SLC22A15: variants seen among roughly 807,000 people sequenced by gnomAD.
SLC22A15 encodes the protein flipt 1.
SLC22A15 carries 45 observed loss-of-function variants against 62.7 expected under a neutral mutation model. That is an observed-to-expected ratio of 0.72 (90% CI 0.56 to 0.92). The LOEUF is 0.92. Among genes scored for constraint, SLC22A15 ranks in the 40% least tolerant of loss-of-function variants. The pLI, the probability that SLC22A15 is intolerant of heterozygous loss-of-function variation, is 0.00. For missense variants in SLC22A15, 622 were observed against 665.6 expected, an observed-to-expected ratio of 0.93 and a Z score of 0.72; for synonymous variants, 264 against 267.0, an observed-to-expected ratio of 0.99 and a Z score of 0.11.
At chr1:116,007,500 C>G (rs139611220) in intron 2 of SLC22A15, among the ~76,000 whole-genome samples, 25 of 152,316 alleles carry the variant, frequency 1.6e-4, no homozygotes, top group African/African-American at 4.6e-4. Context: ...TCCACAACCT[C>G]CATGGGATCC....
chr1:115,988,058 A>G (rs1005025984), intron 1 of SLC22A15, among the ~76,000 whole-genome samples: 1 of 152,176 alleles, frequency 6.6e-6, no homozygotes, highest in East Asian at 1.9e-4. Context: ...TCAATCCCCT[A>G]GTGCATTTTA....
intron 8 of SLC22A15, among the ~76,000 whole-genome samples, chr1:116,040,406 T>G (rs1050779751): frequency 6.6e-6 from 1 of 152,232 alleles, no homozygotes; most frequent in African/African-American, 2.4e-5. Flanking sequence ...CTACCATTTA[T>G]TAAGTGTTAA....
At chr1:115,983,317 G>A (rs114801764) in intron 1 of SLC22A15, among the ~76,000 whole-genome samples, 33 of 152,206 alleles carry the variant, frequency 2.2e-4, no homozygotes, top group African/African-American at 7.9e-4. Context: ...TATGACAAAC[G>A]CACATGTACT....
At chr1:116,026,857 C>A in intron 4 of SLC22A15, 36 bp from the exon 5 acceptor site, 1 of 1,608,044 alleles carries the variant, frequency 6.2e-7, no homozygotes, top group Non-Finnish European at 8.5e-7. Context: ...GCAGATGGTG[C>A]TTTCTCCAGT....
chr1:116,031,692 T>C, intron 6 of SLC22A15, 111 bp downstream of exon 6: 1 of 1,498,856 alleles, frequency 6.7e-7, no homozygotes, highest in South Asian at 1.4e-5. Flanking sequence ...TTTGTTAGCT[T>C]GAGGTTGTTT....
intron 8 of SLC22A15, among the ~76,000 whole-genome samples, chr1:116,042,614 A>G (rs532174126): frequency 2.0e-5 from 3 of 152,350 alleles, no homozygotes; most frequent in African/African-American, 7.2e-5. Context: ...CTATAAACAC[A>G]TAATAAGAAA....
chr1:116,065,011 ATT>A, intron 10 of SLC22A15, among the ~76,000 whole-genome samples: 1 of 150,474 alleles, frequency 6.6e-6, no homozygotes, highest in African/African-American at 2.4e-5. Flanking sequence ...GTCTGTTAAT[ATT>A]TTTTTTTTGA....
Position 115,989,582 on chromosome 1 carries a change from A to G in SLC22A15, c.88-2449A>G, listed in dbSNP as rs991013648. Among the ~76,000 whole-genome samples, 16 of 152,152 alleles carry G rather than the reference A, an allele frequency of 1.1e-4. 1 individual carries two copies. The East Asian group carries it at 1.7e-3, about 17-fold the overall frequency. On this transcript the variant is annotated intron_variant, in intron 1 of 11. Transcript: ENST00000369503. ...GATCACTGGAGATCAGGAGTTCAAGACCAGCCTGGCCAACATGGTGAAACC... is the reference window on the plus strand; with the variant it reads ...GATCACTGGAGATCAGGAGTTCAAGGCCAGCCTGGCCAACATGGTGAAACC...
intron 3 of SLC22A15, among the ~76,000 whole-genome samples, 192 bp from the exon 4 acceptor site, chr1:116,020,529 C>G (rs1299225733): frequency 1.3e-5 from 2 of 149,788 alleles, no homozygotes; most frequent in African/African-American, 4.9e-5. Flanking sequence ...GCACTCCAGC[C>G]TGGGTGACAG....
At chr1:115,991,160 T>C (rs952512656) in intron 1 of SLC22A15, among the ~76,000 whole-genome samples, 1 of 152,234 alleles carries the variant, frequency 6.6e-6, no homozygotes, top group African/African-American at 2.4e-5. Flanking sequence ...CTTGAAATAA[T>C]CGTCCAACAA....
chr1:115,977,677 G>A (rs569438086), intron 1 of SLC22A15, among the ~76,000 whole-genome samples: 1 of 152,324 alleles, frequency 6.6e-6, no homozygotes, highest in South Asian at 2.1e-4. Flanking sequence ...GCCCTCAGGA[G>A]CTTGCATTCC....
chr1:116,043,400 T>C (rs984110009), intron 8 of SLC22A15, among the ~76,000 whole-genome samples: 1 of 152,180 alleles, frequency 6.6e-6, no homozygotes, highest in Non-Finnish European at 1.5e-5. Flanking sequence ...CACTCTAGCC[T>C]GGGTGAAAGA....
chr1:116,010,569 C>G (rs754008736), intron 2 of SLC22A15, among the ~76,000 whole-genome samples: 1 of 152,186 alleles, frequency 6.6e-6, no homozygotes, highest in Non-Finnish European at 1.5e-5. Context: ...TGTCCAAGTA[C>G]TCCCTAGTCA....
intron 8 of SLC22A15, among the ~76,000 whole-genome samples, chr1:116,060,168 G>C (rs1196067738): frequency 6.6e-6 from 1 of 152,156 alleles, no homozygotes; most frequent in Non-Finnish European, 1.5e-5. Flanking sequence ...AGCCCCACAG[G>C]CAGGAGTCCC....
At chr1:115,981,997 T>C (rs538159191) in intron 1 of SLC22A15, among the ~76,000 whole-genome samples, 1 of 152,360 alleles carries the variant, frequency 6.6e-6, no homozygotes, top group South Asian at 2.1e-4. Context: ...CACTTGGAAA[T>C]GGCTGGATCA....
chr1:116,045,102 G>T (rs1007586070), intron 8 of SLC22A15, among the ~76,000 whole-genome samples: 13 of 152,082 alleles, frequency 8.5e-5, no homozygotes, highest in Non-Finnish European at 1.5e-4. Flanking sequence ...GGAGTGCAGT[G>T]GCGTGATCTC....
Position 115,976,651 on chromosome 1 carries a change from G to A in SLC22A15, c.24G>A (p.Gln8=). The A allele has an allele frequency of 6.3e-7, 1 of 1,586,736 alleles. No individual in the cohort carries two copies. The highest frequency in any genetic ancestry group is 1.1e-5 in the South Asian group (1 of 88,926). The change falls in exon 1 of 12, where the codon CAG becomes CAA. Residue 8 remains glutamine, a synonymous_variant. Coordinates refer to ENST00000369503, the MANE Select transcript of SLC22A15 (RefSeq NM_018420.3). ...CCATGGAGGTGGAGGAGGCGTTCCA[G>A]GCGGTGGGGGAGATGGGCATCTACC... is the stretch of plus-strand genomic sequence containing the variant. MEVEEAF[Q]AVGEMGIYQM...
chr1:116,031,823 T>A, intron 6 of SLC22A15: 2 of 1,365,054 alleles, frequency 1.5e-6, no homozygotes, highest in African/African-American at 1.5e-5. Flanking sequence ...TAAGTAGACA[T>A]CAGAAGCACA....
At chr1:116,058,338 T>C (rs1046439772) in intron 8 of SLC22A15, among the ~76,000 whole-genome samples, 1 of 152,034 alleles carries the variant, frequency 6.6e-6, no homozygotes, top group Non-Finnish European at 1.5e-5. Context: ...AAAGAAGATA[T>C]ACAGATGTCC....
Sources: allele counts gnomAD v4.1 joint callset (sites outside exome capture counted in the v4.1 genomes callset), GRCh38; gene constraint gnomAD v4.1.1; transcripts MANE v1.5; gene names NCBI Gene and HGNC (gene_info 2026-07-23, HGNC 2026-07-21).